NDE1: variants seen among roughly 807,000 people sequenced by gnomAD.
NDE1 encodes the protein nuclear distribution protein nudE homolog 1.
A neutral mutation model predicts 43.4 loss-of-function variants in NDE1; 28 were observed. The ratio of observed to expected loss-of-function variants is 0.65; its 90% CI spans 0.48 to 0.89. The LOEUF (loss-of-function observed/expected upper bound fraction) is 0.89. Among genes scored for constraint, NDE1 ranks in the 40% least tolerant of loss-of-function variants. The pLI is 0.00. For synonymous variants in NDE1, 184 were observed against 172.0 expected (o/e 1.07, Z -0.55); for missense variants, 441 against 434.1 (o/e 1.02, Z -0.14).
intron 8 of NDE1, chr16:15,704,257 A>G: frequency 3.1e-6 from 3 of 961,480 alleles, no homozygotes; most frequent in South Asian, 2.9e-5. Flanking sequence ...GAAAACACAC[A>G]CGGCACAAAT....
intron 8 of NDE1, among the ~76,000 whole-genome samples, chr16:15,716,432 C>G (rs1395372329): frequency 6.6e-6 from 1 of 152,166 alleles, no homozygotes; most frequent in African/African-American, 2.4e-5. Context: ...GTGCTGTGAT[C>G]ATATGCCTCA....
chr16:15,720,253 T>A, intron 8 of NDE1: 1 of 1,614,170 alleles, frequency 6.2e-7, no homozygotes, highest in Non-Finnish European at 8.5e-7. Context: ...TCTTCTTTGC[T>A]GCAGCTGCCA....
At chr16:15,664,960 A>T in intron 2 of NDE1, 99 bp downstream of exon 2, 2 of 907,482 alleles carry the variant, frequency 2.2e-6, no homozygotes, top group Admixed American at 2.1e-5. Flanking sequence ...CCTAGGCGTG[A>T]TCATAGTGCA....
intron 4 of NDE1, among the ~76,000 whole-genome samples, chr16:15,682,772 T>C (rs1409510932): frequency 1.3e-5 from 2 of 152,210 alleles, no homozygotes; most frequent in African/African-American, 4.8e-5. Flanking sequence ...TAGCCCAGGC[T>C]GGAGTGCAGT....
At chr16:15,690,924 C>T (rs1463326029) in intron 5 of NDE1, among the ~76,000 whole-genome samples, 1 of 152,192 alleles carries the variant, frequency 6.6e-6, no homozygotes, top group African/African-American at 2.4e-5. Flanking sequence ...TCTCATGCCT[C>T]ATCCTCCTGA....
chr16:15,669,529 T>G (rs1286618451), intron 3 of NDE1, among the ~76,000 whole-genome samples: 4 of 152,004 alleles, frequency 2.6e-5, no homozygotes, highest in African/African-American at 9.7e-5. Flanking sequence ...GCCTGGCTAA[T>G]TTTTGTATTT....
chr16:15,701,132 G>T (rs2039203931), intron 8 of NDE1: 1 of 151,712 alleles, frequency 6.6e-6, no homozygotes, highest in Non-Finnish European at 1.5e-5. Context: ...AGCTACTCCA[G>T]ATGTTGAGGC....
At position 15,717,217 on chromosome 16, in the gene NDE1, C is replaced by G. The variant is rs886051738; in HGVS notation, c.948-6974C>G. 1 of 1,614,220 alleles carries G rather than the reference C, an allele frequency of 6.2e-7. No homozygotes were observed. The highest frequency in any genetic ancestry group is 8.5e-7 in the Non-Finnish European group (1 of 1,180,044). ...CCGCGATGGTGGACTTGAACTTGGA[C>G]TTGACGGCCCCCTCCATCTCGTGGA... On this transcript the variant is annotated intron_variant, in intron 8 of 8. Coordinates refer to ENST00000396354, the MANE Select transcript of NDE1 (RefSeq NM_017668.3).
chr16:15,692,323 T>C (rs2038794791), intron 6 of NDE1, among the ~76,000 whole-genome samples: 1 of 152,174 alleles, frequency 6.6e-6, no homozygotes, highest in African/African-American at 2.4e-5. Flanking sequence ...GCTCCAGGGC[T>C]TACCCTACCA....
At chr16:15,661,104 A>G (rs2037021621) in intron 1 of NDE1, among the ~76,000 whole-genome samples, 1 of 151,164 alleles carries the variant, frequency 6.6e-6, no homozygotes, top group African/African-American at 2.4e-5. Context: ...AATGTCTGAG[A>G]CTGGGTTTGT....
intron 8 of NDE1, chr16:15,708,738 C>G (rs569219458): frequency 6.6e-7 from 1 of 1,517,342 alleles, no homozygotes; most frequent in African/African-American, 1.4e-5. Context: ...GGCAGAGGGG[C>G]GCATTGGGCA....
chr16:15,667,402 A>G lies in NDE1; in HGVS notation c.200A>G (p.Glu67Gly), dbSNP rs1449435685. The change falls in exon 3 of 9, where the codon GAA becomes GGA. Residue 67 changes from glutamate to glycine, a missense_variant. Glu to Gly is a moderately conservative substitution (Grantham distance 98). Coordinates refer to ENST00000396354, the MANE Select transcript of NDE1 (RefSeq NM_017668.3). ...IETRNRDLLS[E>G]NNRLRMELET... is the part of the protein sequence containing the mutation. ...ACCAGGAACAGAGACCTCCTGTCCGAAAATAACCGCCTTCGCATGGAGCTG... is the reference window on the plus strand; with the variant it reads ...ACCAGGAACAGAGACCTCCTGTCCGGAAATAACCGCCTTCGCATGGAGCTG... 1 of 1,613,968 alleles carries G rather than the reference A, an allele frequency of 6.2e-7. No homozygotes were observed. Among genetic ancestry groups the G allele is most frequent in the Admixed American group, 1.7e-5 (1 of 59,974 alleles).
At chr16:15,721,816 A>C (rs2040501020) in intron 8 of NDE1, 1 of 646,050 alleles carries the variant, frequency 1.5e-6, no homozygotes, top group Non-Finnish European at 2.7e-6. Context: ...CATCAACCTT[A>C]TGCAGAGCCA....
At chr16:15,709,788 G>C (rs986823372) in intron 8 of NDE1, among the ~76,000 whole-genome samples, 1 of 152,174 alleles carries the variant, frequency 6.6e-6, no homozygotes, top group Non-Finnish European at 1.5e-5. Context: ...ACCTGCAGCC[G>C]CCTGTCCCTT....
intron 3 of NDE1, among the ~76,000 whole-genome samples, 197 bp downstream of exon 3, chr16:15,667,636 T>TTG (rs2037381529): frequency 2.0e-5 from 3 of 146,638 alleles, no homozygotes; most frequent in South Asian, 4.4e-4. Context: ...TGTTTTGTTT[T>TTG]TTTTTTTTTT....
chr16:15,725,069 A>G lies in NDE1; in HGVS notation c.*818A>G, dbSNP rs1207718902. ...TTGAAAGGAGCCCTTTTTACTCAAA[A>G]CACATGGGCTAGTACTTGAGGTGTT... On this transcript the variant is annotated 3_prime_UTR_variant, in exon 9 of 9. Coordinates refer to ENST00000396354, the MANE Select transcript of NDE1 (RefSeq NM_017668.3). 8 of 1,198,192 alleles carry G rather than the reference A, an allele frequency of 6.7e-6. No individual in the cohort carries two copies. Among genetic ancestry groups the G allele is most frequent in the African/African-American group, 4.5e-5 (3 of 66,606 alleles). The allele number at this position is 1,198,192 out of a possible 1,614,324, so 74.2% of individuals were successfully genotyped here. A position where few individuals can be genotyped will look rare whatever the true frequency, so the allele number is the denominator to read the frequency against.
intron 8 of NDE1, among the ~76,000 whole-genome samples, chr16:15,697,948 A>G (rs2039086996): frequency 6.6e-6 from 1 of 151,834 alleles, no homozygotes; most frequent in South Asian, 2.1e-4. Flanking sequence ...CTGGGATTAC[A>G]GGCGTGTGCC....
At chr16:15,664,212 G>A (rs2037187513) in intron 1 of NDE1, among the ~76,000 whole-genome samples, 1 of 152,024 alleles carries the variant, frequency 6.6e-6, no homozygotes, top group Non-Finnish European at 1.5e-5. Flanking sequence ...CCTTTAGTAG[G>A]TGCTCAATAA....
rs554847714 is a variant in NDE1, at chr16:15,706,066, CAG to C, written c.947+9209_947+9210del. Among the ~76,000 whole-genome samples the C allele has an allele frequency of 6.7e-5, 10 of 149,582 alleles. No homozygotes were observed. In the East Asian group the frequency reaches 1.8e-3, roughly 26 times the overall value. On this transcript the variant is annotated intron_variant, in intron 8 of 8. Coordinates refer to ENST00000396354, the MANE Select transcript of NDE1 (RefSeq NM_017668.3). Reference sequence around the variant, plus strand: ...AATTCGCAAATGACCCTTTTGTTGACAGAGGATGGGAGAGACCCCGGCTGGGA... The same window carrying C: ...AATTCGCAAATGACCCTTTTGTTGACAGGATGGGAGAGACCCCGGCTGGGA...
Sources: allele counts gnomAD v4.1 joint callset (sites outside exome capture counted in the v4.1 genomes callset), GRCh38; gene constraint gnomAD v4.1.1; transcripts MANE v1.5; gene names NCBI Gene and HGNC (gene_info 2026-07-23, HGNC 2026-07-21).